Variants in PLAA observed in about 807,000 individuals in gnomAD.
The protein encoded by PLAA is phospholipase A-2-activating protein.
Under a neutral mutation model 84.1 loss-of-function variants are expected in PLAA, and 48 were observed. The ratio of observed to expected loss-of-function variants is 0.57; its 90% confidence interval spans 0.45 to 0.73. The LOEUF (loss-of-function observed/expected upper bound fraction) is 0.73. Ranked by LOEUF, PLAA falls within the 30% of genes least tolerant of loss-of-function variation. PLAA has a pLI of 0.00. For synonymous variants in PLAA, 392 were observed against 336.6 expected (o/e 1.16, Z -1.80); for missense variants, 903 against 954.7 (o/e 0.95, Z 0.71).
chr9:26,932,709 T>G (rs1314619318), intron 2 of PLAA, among the ~76,000 whole-genome samples: 1 of 152,212 alleles, frequency 6.6e-6, no homozygotes, highest in Non-Finnish European at 1.5e-5. Flanking sequence ...GGGGGGAAGA[T>G]GAAACAAAAA....
At position 26,905,382 on chromosome 9, in the gene PLAA, C is replaced by T; in HGVS notation, c.*129G>A. ...TTTTATTTCTGTTTCCCCTCCCCAC[C>T]ACTTTACAAGATGTAAAATTTTACT... On this transcript the variant is annotated 3_prime_UTR_variant, in exon 14 of 14. Coordinates refer to ENST00000397292, the MANE Select transcript of PLAA (RefSeq NM_001031689.3). The T allele has an allele frequency of 1.4e-6, 1 of 716,494 alleles. No individual in the cohort carries two copies. Among genetic ancestry groups the T allele is most frequent in the South Asian group, 2.0e-5 (1 of 50,154 alleles). 44.4% of individuals were successfully genotyped at this position (716,494 alleles called of 1,614,324 possible).
rs1392575635 is a variant in PLAA at position 26,926,434 on chromosome 9, G to T, written c.692C>A (p.Thr231Lys). The T allele has an allele frequency of 1.9e-6, 3 of 1,608,590 alleles. No individual in the cohort carries two copies. The highest frequency in any genetic ancestry group is 1.7e-6 in the Non-Finnish European group (2 of 1,175,292). The change falls in exon 5 of 14, where the codon ACA (threonine) becomes AAA (lysine). Residue 231 changes from threonine to lysine, a missense_variant. Physicochemically the swap from Thr to Lys is moderately conservative, Grantham distance 78. Coordinates refer to ENST00000397292, the MANE Select transcript of PLAA (RefSeq NM_001031689.3). ...AACGGATATGCTATAAATATAATTT[G>T]TATGTCCATAATATACTTCAAGACA... ...GECLEVYYGH[T>K]NYIYSISVFP... is the part of the protein sequence containing the mutation.
chr9:26,928,002 TG>T, intron 4 of PLAA, 97 bp downstream of exon 4: 1 of 1,285,688 alleles, frequency 7.8e-7, no homozygotes, highest in East Asian at 2.3e-5. Context: ...AATATACTAA[TG>T]TTTTTCAAAT....
chr9:26,911,912 T>C (rs1824411589), intron 11 of PLAA, among the ~76,000 whole-genome samples: 1 of 152,196 alleles, frequency 6.6e-6, no homozygotes, highest in Non-Finnish European at 1.5e-5. Flanking sequence ...GAGATTGGTG[T>C]ACAAAATTAA....
At position 26,931,296 on chromosome 9, in the gene PLAA, T is replaced by C. The variant is rs527805221; in HGVS notation, c.344-2888A>G. Reference sequence around the variant, plus strand: ...TAACCAGTTGATGTGGAAAGATCTATACAGAAAAGTCTTGGCGATCAAATG... The same window carrying C: ...TAACCAGTTGATGTGGAAAGATCTACACAGAAAAGTCTTGGCGATCAAATG... On this transcript the variant is annotated intron_variant, in intron 2 of 13. Coordinates refer to ENST00000397292, the MANE Select transcript of PLAA (RefSeq NM_001031689.3). Among the ~76,000 whole-genome samples the C allele has an allele frequency of 2.9e-3, 443 of 152,318 alleles. 4 individuals are homozygous for C. Among genetic ancestry groups the C allele is most frequent in the African/African-American group, 0.01 (430 of 41,566 alleles).
At chr9:26,929,118 G>C (rs993301943) in intron 2 of PLAA, among the ~76,000 whole-genome samples, 2 of 152,172 alleles carry the variant, frequency 1.3e-5, no homozygotes, top group Non-Finnish European at 2.9e-5. Flanking sequence ...AGGATTGCTT[G>C]AGCCCAGGGC....
chr9:26,929,247 A>AT (rs572702090), intron 2 of PLAA, among the ~76,000 whole-genome samples: 136 of 151,974 alleles, frequency 8.9e-4, no homozygotes, highest in African/African-American at 2.7e-3. Context: ...GGAGTGGCTC[A>AT]TGCCTGTAAT....
At chr9:26,943,160 T>C (rs991094364) in intron 1 of PLAA, among the ~76,000 whole-genome samples, 2 of 152,176 alleles carry the variant, frequency 1.3e-5, no homozygotes, top group Admixed American at 6.5e-5. Flanking sequence ...TTGGGAAATG[T>C]AATTTAGCTT....
chr9:26,914,706 CATTAT>C (rs1254043762), intron 10 of PLAA, among the ~76,000 whole-genome samples: 1 of 150,964 alleles, frequency 6.6e-6, no homozygotes, highest in Non-Finnish European at 1.5e-5. Context: ...ATATAGATAC[CATTAT>C]AATTCACAAT....
At chr9:26,919,859 G>A (rs114157208) in intron 8 of PLAA, among the ~76,000 whole-genome samples, 10,517 of 152,164 alleles carry the variant, frequency 0.069, 513 homozygotes, top group African/African-American at 0.14. Flanking sequence ...TCACCAAAAC[G>A]TGCTGGCATT....
intron 13 of PLAA, among the ~76,000 whole-genome samples, chr9:26,906,788 G>C (rs2131362368): frequency 6.6e-6 from 1 of 152,188 alleles, no homozygotes; most frequent in Non-Finnish European, 1.5e-5. Flanking sequence ...AGGTTGGTGG[G>C]AGCTTTATAA....
intron 6 of PLAA, among the ~76,000 whole-genome samples, chr9:26,923,618 C>CTA (rs1206286899): frequency 6.6e-6 from 1 of 152,098 alleles, no homozygotes; most frequent in East Asian, 1.9e-4. Context: ...GAATCTAGAG[C>CTA]TATAGTATGT....
At position 26,910,359 on chromosome 9, in the gene PLAA, C is replaced by T; in HGVS notation, c.1636G>A (p.Ala546Thr). The T allele has an allele frequency of 6.2e-7, 1 of 1,612,028 alleles. No individual in the cohort carries two copies. The highest frequency in any genetic ancestry group is 8.5e-7 in the Non-Finnish European group (1 of 1,178,420). ...TTACCTAATATTTGTGTAGGGTTTG[C>T]TTGGTCAAATGTGACAGCCTCTTTT... ...PKKEAVTFDQ[A>T]NPTQILGKLK... Residue 546 changes from alanine (A) to threonine (T), a missense_variant, in exon 12 of 14, where the codon GCA becomes ACA. Coordinates refer to ENST00000397292, the MANE Select transcript of PLAA (RefSeq NM_001031689.3).
chr9:26,914,123 T>C (rs1824481811), intron 10 of PLAA, among the ~76,000 whole-genome samples, 176 bp from the exon 11 acceptor site: 1 of 152,228 alleles, frequency 6.6e-6, no homozygotes, highest in Admixed American at 6.5e-5. Context: ...GAGCATATCA[T>C]AAGTGTTAGC....
In PLAA at chr9:26,913,881, G is replaced by C; in HGVS notation, c.1553C>G (p.Thr518Arg). ...AAAAAGAAATAAAAAGTATGTACCT[G>C]TAAATGGATCAACTCCGGCCATGGT... ...GTTMAGVDPFTGNSAYRSAAS... is the reference protein window; with the variant it reads ...GTTMAGVDPFRGNSAYRSAAS... Residue 518 changes from threonine (T) to arginine (R), a missense_variant and splice_region_variant, in exon 11 of 14, where the codon ACA becomes AGA. Transcript: ENST00000397292. 6.2e-7 allele frequency: 1 copy of C among 1,603,958 alleles called. No homozygotes were observed. The highest frequency in any genetic ancestry group is 8.5e-7 in the Non-Finnish European group (1 of 1,171,410).
At chr9:26,931,421 T>C (rs1825181637) in intron 2 of PLAA, among the ~76,000 whole-genome samples, 3 of 152,196 alleles carry the variant, frequency 2.0e-5, no homozygotes, top group South Asian at 4.1e-4. Flanking sequence ...ATTACCATTA[T>C]GTGAAAGGCT....
chr9:26,915,614 T>G, intron 10 of PLAA: 1 of 807,954 alleles, frequency 1.2e-6, no homozygotes, highest in Non-Finnish European at 1.5e-6. Context: ...TATTTTATTT[T>G]CATACCTCAA....
At chr9:26,914,779 A>G (rs1377833257) in intron 10 of PLAA, among the ~76,000 whole-genome samples, 9 of 152,224 alleles carry the variant, frequency 5.9e-5, no homozygotes, top group African/African-American at 1.4e-4. Flanking sequence ...TAAAAGGTAA[A>G]GTACACTCTC....
intron 6 of PLAA, 34 bp downstream of exon 6, chr9:26,925,789 CAT>C (rs1341228646): frequency 6.2e-7 from 1 of 1,601,544 alleles, no homozygotes; most frequent in African/African-American, 1.3e-5. Flanking sequence ...AAGGCCTAGA[CAT>C]ATAACATTTA....
Sources: gnomAD v4.1 joint callset for allele counts (sites outside exome capture counted in the v4.1 genomes callset) on GRCh38, gnomAD v4.1.1 for gene constraint, MANE v1.5 for transcripts, NCBI Gene and HGNC (gene_info 2026-07-23, HGNC 2026-07-21) for gene names.